The following MGRN1 variants were observed in gnomAD, a reference collection of about 807,000 sequenced individuals.
MGRN1 encodes the protein E3 ubiquitin-protein ligase MGRN1.
MGRN1 carries 29 observed loss-of-function variants against 69.2 expected under a neutral mutation model. That is an observed-to-expected ratio of 0.42 (90% CI 0.31 to 0.57). The LOEUF is 0.57. MGRN1 is among the 20% of genes least tolerant of loss of function. The pLI is 0.15. For missense variants in MGRN1, 998 were observed against 796.2 expected (o/e 1.25, Z -3.05); for synonymous variants, 470 against 344.2 (o/e 1.37, Z -4.04).
chr16:4,658,598 A>T (rs1232115497), intron 5 of MGRN1, among the ~76,000 whole-genome samples: 1 of 151,782 alleles, frequency 6.6e-6, no homozygotes, highest in African/African-American at 2.4e-5. Context: ...GGAGACACTG[A>T]CCACATGCCC....
intron 1 of MGRN1, among the ~76,000 whole-genome samples, chr16:4,648,575 A>C (rs1367301016): frequency 1.5e-5 from 1 of 64,872 alleles, no homozygotes; most frequent in Admixed American, 1.8e-4. Context: ...TCCCGTGGTC[A>C]CCCGGGTCCT....
chr16:4,674,881 C>G (rs532448984), intron 10 of MGRN1, among the ~76,000 whole-genome samples: 2 of 150,776 alleles, frequency 1.3e-5, no homozygotes, highest in South Asian at 2.1e-4. Flanking sequence ...ACCTCATGAT[C>G]CACCCGCCTC....
intron 8 of MGRN1, 150 bp from the exon 9 acceptor site, chr16:4,671,241 C>T: frequency 1.5e-6 from 1 of 688,674 alleles, no homozygotes; most frequent in Non-Finnish European, 2.5e-6. Flanking sequence ...CAGGTTTTCC[C>T]TGCCCTTCTC....
chr16:4,636,016 G>A (rs1337439412), intron 1 of MGRN1, among the ~76,000 whole-genome samples: 1 of 151,274 alleles, frequency 6.6e-6, no homozygotes. Context: ...TGGTCAGGCT[G>A]GTCTTGAACT....
rs766607235 is a variant in MGRN1 at position 4,651,995 on chromosome 16, C to T, written c.240C>T (p.Pro80=). The T allele has an allele frequency of 8.7e-6, 14 of 1,614,018 alleles. No homozygotes were observed. Among genetic ancestry groups the T allele is most frequent in the Non-Finnish European group, 1.2e-5 (14 of 1,179,966 alleles). ...FPYVTPAPHE[P]VKTLRSLVNI... ...ACGTCACTCCTGCCCCCCACGAGCCCGTGAAGACGCTGCGGAGCCTGGTGA... is the reference window on the plus strand; with the variant it reads ...ACGTCACTCCTGCCCCCCACGAGCCTGTGAAGACGCTGCGGAGCCTGGTGA... The change falls in exon 3 of 17, where the codon CCC becomes CCT. Residue 80 remains proline, a synonymous_variant. Coordinates refer to ENST00000262370, the MANE Select transcript of MGRN1 (RefSeq NM_015246.4).
intron 5 of MGRN1, among the ~76,000 whole-genome samples, chr16:4,661,407 C>T (rs112459255): frequency 0.01 from 1,526 of 152,332 alleles, 29 homozygotes; most frequent in African/African-American, 0.035. Context: ...GAGGCTGGGT[C>T]GGCTCCTGTT....
At chr16:4,664,575 C>T in intron 5 of MGRN1, 134 bp from the exon 6 acceptor site, 4 of 854,066 alleles carry the variant, frequency 4.7e-6, no homozygotes, top group Non-Finnish European at 7.7e-6. Context: ...TCCCTGCCAT[C>T]TCGAGGCGTG....
At chr16:4,661,825 T>C (rs1235533481) in intron 5 of MGRN1, among the ~76,000 whole-genome samples, 1 of 152,226 alleles carries the variant, frequency 6.6e-6, no homozygotes, top group Non-Finnish European at 1.5e-5. Flanking sequence ...GTCTCCAGGC[T>C]TGTGGTTTGT....
At chr16:4,680,141 C>A (rs901507646) in intron 12 of MGRN1, 44 bp downstream of exon 12, 1 of 1,583,376 alleles carries the variant, frequency 6.3e-7, no homozygotes. Context: ...CCCCCGCCCT[C>A]ATTTTTAAAC....
intron 9 of MGRN1, among the ~76,000 whole-genome samples, chr16:4,672,834 G>GT (rs981895804): frequency 4.7e-4 from 72 of 151,776 alleles, no homozygotes; most frequent in African/African-American, 7.0e-4. Flanking sequence ...CTTGTTTTTT[G>GT]TTTTTTTTGT....
intron 15 of MGRN1, 91 bp downstream of exon 15, chr16:4,683,360 C>T: frequency 6.8e-7 from 1 of 1,467,918 alleles, no homozygotes; most frequent in Non-Finnish European, 9.4e-7. Flanking sequence ...GGTGTTGGGC[C>T]AGCACCTCTT....
intron 1 of MGRN1, 73 bp downstream of exon 1, chr16:4,625,121 G>A (rs1458394997): frequency 2.1e-5 from 28 of 1,365,190 alleles, no homozygotes; most frequent in African/African-American, 3.1e-5. Context: ...CGGGGGCGGG[G>A]ACTCGGGGCG....
chr16:4,683,320 C>T, intron 15 of MGRN1, 51 bp downstream of exon 15: 2 of 1,601,382 alleles, frequency 1.2e-6, no homozygotes, highest in African/African-American at 1.3e-5. Context: ...CCAGGCAGCC[C>T]TGGCTTACTG....
chr16:4,657,168 G>A, intron 4 of MGRN1, 78 bp from the exon 5 acceptor site: 2 of 1,360,946 alleles, frequency 1.5e-6, no homozygotes, highest in Non-Finnish European at 2.1e-6. Context: ...GGCCCTTCCA[G>A]CTGTCGGAGT....
chr16:4,665,340 C>G (rs1201440871), intron 7 of MGRN1, among the ~76,000 whole-genome samples, 189 bp downstream of exon 7: 9 of 150,918 alleles, frequency 6.0e-5, no homozygotes, highest in Non-Finnish European at 1.3e-4. Context: ...CCGAGTGCCG[C>G]TGTCAGGAGG....
At chr16:4,688,161 G>A (rs970517026) in intron 16 of MGRN1, 4 of 985,426 alleles carry the variant, frequency 4.1e-6, no homozygotes, top group African/African-American at 3.5e-5. Flanking sequence ...GCTGGTGGCT[G>A]GGTGTCAGGC....
intron 10 of MGRN1, 95 bp from the exon 11 acceptor site, chr16:4,677,368 T>G: frequency 7.7e-6 from 7 of 914,080 alleles, no homozygotes; most frequent in Non-Finnish European, 9.4e-6. Flanking sequence ...AGGACCCCTA[T>G]GGTGTGGGGG....
intron 9 of MGRN1, 53 bp from the exon 10 acceptor site, chr16:4,673,445 G>A (rs528505909): frequency 2.5e-6 from 4 of 1,587,424 alleles, no homozygotes; most frequent in Middle Eastern, 1.8e-4. Context: ...GGAAGCAGGA[G>A]CCGTACTCTG....
chr16:4,642,690 C>G (rs543032436), intron 1 of MGRN1, among the ~76,000 whole-genome samples: 95 of 151,532 alleles, frequency 6.3e-4, no homozygotes, highest in African/African-American at 2.2e-3. Flanking sequence ...CAACTCCTGA[C>G]GGCAGACCTC....
Sources: allele counts gnomAD v4.1 joint callset (sites outside exome capture counted in the v4.1 genomes callset), GRCh38; gene constraint gnomAD v4.1.1; transcripts MANE v1.5; gene names NCBI Gene and HGNC (gene_info 2026-07-23, HGNC 2026-07-21).